LNX2: variants seen among roughly 807,000 people sequenced by gnomAD.
LNX2 encodes ligand of numb-protein X 2, also known as ligand of Numb protein X 2.
LNX2 carries 35 observed loss-of-function variants against 66.2 expected under a neutral mutation model. The ratio of observed to expected loss-of-function variants is 0.53; its 90% confidence interval spans 0.40 to 0.70. The LOEUF (loss-of-function observed/expected upper bound fraction) is 0.70, where lower values mean the gene tolerates loss of function less well. LNX2 is among the 30% of genes least tolerant of loss of function. LNX2 has a pLI of 0.00. For missense variants in LNX2, 791 were observed against 850.8 expected (o/e 0.93, Z 0.87); for synonymous variants, 337 against 315.6 (o/e 1.07, Z -0.72).
intron 6 of LNX2, among the ~76,000 whole-genome samples, chr13:27,558,004 G>A (rs966186243): frequency 2.0e-5 from 3 of 151,976 alleles, no homozygotes; most frequent in African/African-American, 4.8e-5. Flanking sequence ...TGTCTAAAAT[G>A]TATGCAATTT....
At chr13:27,564,924 A>G (rs571315185) in intron 4 of LNX2, among the ~76,000 whole-genome samples, 60 of 152,342 alleles carry the variant, frequency 3.9e-4, no homozygotes, top group African/African-American at 1.2e-3. Flanking sequence ...ACTTGGCTCC[A>G]ACACACCAGT....
chr13:27,593,356 T>C (rs1047147739), intron 1 of LNX2, among the ~76,000 whole-genome samples: 2 of 152,120 alleles, frequency 1.3e-5, no homozygotes, highest in Non-Finnish European at 2.9e-5. Context: ...CTCCATTTCA[T>C]CTCCAATAGT....
intron 5 of LNX2, among the ~76,000 whole-genome samples, chr13:27,561,522 G>A (rs1481459001): frequency 6.6e-6 from 1 of 152,134 alleles, no homozygotes; most frequent in Non-Finnish European, 1.5e-5. Flanking sequence ...TAAACCTCAA[G>A]TCTATGAAAT....
intron 1 of LNX2, among the ~76,000 whole-genome samples, chr13:27,609,083 G>A (rs1215679478): frequency 6.6e-6 from 1 of 151,876 alleles, no homozygotes; most frequent in Non-Finnish European, 1.5e-5. Context: ...ATAAGCCACT[G>A]CGCCTGGCCT....
At chr13:27,583,318 G>A (rs1026107747) in intron 1 of LNX2, among the ~76,000 whole-genome samples, 5 of 148,988 alleles carry the variant, frequency 3.4e-5, no homozygotes, top group African/African-American at 1.2e-4. Context: ...GGAGTACAGC[G>A]GCGTACTTGG....
chr13:27,610,688 C>A (rs1419920248), intron 1 of LNX2, among the ~76,000 whole-genome samples: 1 of 151,994 alleles, frequency 6.6e-6, no homozygotes, highest in Non-Finnish European at 1.5e-5. Flanking sequence ...AAGGACACAT[C>A]AACAGAATGA....
At chr13:27,617,780 T>C (rs145710434) in intron 1 of LNX2, among the ~76,000 whole-genome samples, 2 of 152,326 alleles carry the variant, frequency 1.3e-5, no homozygotes, top group East Asian at 1.9e-4. Context: ...CTCTCAACCA[T>C]CCATTTAGCA....
At chr13:27,583,402 T>C (rs1955445391) in intron 1 of LNX2, among the ~76,000 whole-genome samples, 1 of 152,046 alleles carries the variant, frequency 6.6e-6, no homozygotes, top group African/African-American at 2.4e-5. Flanking sequence ...GGATTACAGA[T>C]GCCCGCCACC....
intron 1 of LNX2, among the ~76,000 whole-genome samples, chr13:27,602,465 A>T (rs912830275): frequency 1.1e-4 from 17 of 152,184 alleles, no homozygotes; most frequent in Non-Finnish European, 2.1e-4. Context: ...CCTAAATGGG[A>T]ACATAGAGTA....
intron 1 of LNX2, among the ~76,000 whole-genome samples, chr13:27,607,312 C>T (rs545647212): frequency 5.3e-5 from 8 of 152,288 alleles, no homozygotes; most frequent in Admixed American, 2.6e-4. Flanking sequence ...TTTCTAAAAA[C>T]GCACCACAAC....
At chr13:27,579,818 C>T (rs1222437435) in intron 2 of LNX2, among the ~76,000 whole-genome samples, 4 of 152,176 alleles carry the variant, frequency 2.6e-5, no homozygotes, top group South Asian at 2.1e-4. Context: ...AGTCCTGACT[C>T]AGACTAGTAT....
At chr13:27,588,742 C>T (rs191874846) in intron 1 of LNX2, among the ~76,000 whole-genome samples, 59 of 152,018 alleles carry the variant, frequency 3.9e-4, no homozygotes, top group Admixed American at 3.9e-3. Flanking sequence ...CTGAAGCTCC[C>T]AAACAGCTTT....
chr13:27,571,694 A>C (rs1330519243), intron 2 of LNX2, among the ~76,000 whole-genome samples: 1 of 152,204 alleles, frequency 6.6e-6, no homozygotes. Flanking sequence ...TGATATGTGA[A>C]TCTCAATAAA....
intron 9 of LNX2, among the ~76,000 whole-genome samples, chr13:27,549,954 G>A (rs1284237607): frequency 1.3e-5 from 2 of 152,160 alleles, no homozygotes; most frequent in Non-Finnish European, 2.9e-5. Context: ...ACATCACAAC[G>A]TGATGAATGA....
chr13:27,561,758 C>T (rs1181676508), intron 5 of LNX2, among the ~76,000 whole-genome samples: 4 of 152,180 alleles, frequency 2.6e-5, no homozygotes, highest in African/African-American at 7.2e-5. Context: ...GCACCCTTAT[C>T]ACTGTAGAAG....
chr13:27,559,110 G>A (rs1366785678), intron 6 of LNX2, among the ~76,000 whole-genome samples: 1 of 152,136 alleles, frequency 6.6e-6, no homozygotes, highest in Admixed American at 6.5e-5. Context: ...AATGAAGGAT[G>A]AAATGAAGTA....
intron 1 of LNX2, among the ~76,000 whole-genome samples, chr13:27,606,351 TTAAG>T (rs1208302310): frequency 6.9e-6 from 1 of 144,028 alleles, no homozygotes; most frequent in East Asian, 2.0e-4. Context: ...TGAAAAAGGA[TTAAG>T]TAACAAGGTC....
At chr13:27,612,745 T>A (rs974845658) in intron 1 of LNX2, among the ~76,000 whole-genome samples, 5 of 152,116 alleles carry the variant, frequency 3.3e-5, no homozygotes, top group African/African-American at 1.2e-4. Flanking sequence ...GTCACAGGCA[T>A]ATGACACCAC....
In LNX2 at chr13:27,559,889, GGCT is replaced by G; in HGVS notation, c.1318_1320del (p.Ser440del). The G allele has an allele frequency of 1.2e-6, 2 of 1,611,154 alleles. No individual in the cohort carries two copies. The highest frequency in any genetic ancestry group is 1.7e-4 in the Middle Eastern group (1 of 6,048). On this transcript the variant is annotated inframe_deletion, in exon 6 of 10. Transcript: ENST00000316334. ...TAATACGGTGGTGGTGTGTGGTGCT[GGCT>G]GCTGCTGCTATGATTTCCTGCTTCT...
Sources: gnomAD v4.1 joint callset for allele counts (sites outside exome capture counted in the v4.1 genomes callset) on GRCh38, gnomAD v4.1.1 for gene constraint, MANE v1.5 for transcripts, NCBI Gene and HGNC (gene_info 2026-07-23, HGNC 2026-07-21) for gene names.